SPTBN5: variants seen among roughly 807,000 people sequenced by gnomAD.
SPTBN5 encodes the protein spectrin beta, non-erythrocytic 5.
Under a neutral mutation model 477.6 loss-of-function variants are expected in SPTBN5, and 513 were observed. That is an observed-to-expected ratio of 1.07 (90% CI 1.00 to 1.16). The LOEUF is 1.16. Among genes scored for constraint, SPTBN5 ranks in the 50% most tolerant of loss-of-function variants. The pLI, the probability that SPTBN5 is intolerant of heterozygous loss-of-function variation, is 0.00. For missense variants in SPTBN5, 5,062 were observed against 4,731.8 expected, an observed-to-expected ratio of 1.07 and a Z score of -2.05; for synonymous variants, 2,169 against 2,011.7, an observed-to-expected ratio of 1.08 and a Z score of -2.09.
chr15:41,882,945 G>C (rs1200560220), intron 9 of SPTBN5, 51 bp downstream of exon 9: 2 of 1,485,666 alleles, frequency 1.3e-6, no homozygotes, highest in East Asian at 5.0e-5. Flanking sequence ...GAGATAATTT[G>C]GGTTACAGAA....
intron 39 of SPTBN5, among the ~76,000 whole-genome samples, 176 bp from the exon 40 acceptor site, chr15:41,864,200 G>A (rs999718439): frequency 2.6e-5 from 4 of 152,180 alleles, no homozygotes; most frequent in African/African-American, 9.6e-5. Flanking sequence ...AGGTCACCCC[G>A]TCCAGGTGAA....
In SPTBN5 at chr15:41,862,575, T is replaced by G. The variant is rs571630234; in HGVS notation, c.7349A>C (p.Glu2450Ala). The change falls in exon 43 of 68, where the codon GAG (glutamate) becomes GCG (alanine). Residue 2450 changes from glutamate (E) to alanine (A), a missense_variant. Coordinates refer to ENST00000320955, the MANE Select transcript of SPTBN5 (RefSeq NM_016642.4). ...GLRHRQQEVA[E>A]SWWQLRSRAQ... is the part of the protein sequence containing the mutation. ...CCTGCTCCGGAGCTGCCACCAGCTCTCAGCCACCTCCTGCTGCCTGTGCCT... is the reference window on the plus strand; with the variant it reads ...CCTGCTCCGGAGCTGCCACCAGCTCGCAGCCACCTCCTGCTGCCTGTGCCT... The G allele has an allele frequency of 1.2e-4, 188 of 1,560,024 alleles. No individual in the cohort carries two copies. The highest frequency in any genetic ancestry group is 1.4e-4 in the Non-Finnish European group (165 of 1,152,678).
chr15:41,887,726 G>A (rs929681226), intron 5 of SPTBN5, among the ~76,000 whole-genome samples: 2 of 152,204 alleles, frequency 1.3e-5, no homozygotes, highest in African/African-American at 4.8e-5. Flanking sequence ...AGTGGAGAAG[G>A]CTGGGGTCAA....
chr15:41,867,071 C>T lies in SPTBN5; in HGVS notation c.6368G>A (p.Arg2123Gln), dbSNP rs749107423. 67 of 1,548,364 alleles carry T rather than the reference C, an allele frequency of 4.3e-5. No homozygotes were observed. Among genetic ancestry groups the T allele is most frequent in the South Asian group, 4.0e-4 (34 of 84,102 alleles). ...KTLRRPRVRD[R>Q]LPILLQRRMR... ...CCGGCGCTGCAGCAGGATGGGAAGCCGGTCCCGCACCCGGGGGCGCCGGAG... is the reference window on the plus strand; with the variant it reads ...CCGGCGCTGCAGCAGGATGGGAAGCTGGTCCCGCACCCGGGGGCGCCGGAG... Residue 2123 changes from arginine to glutamine, a missense_variant, in exon 36 of 68, where the codon CGG becomes CAG. Coordinates refer to ENST00000320955, the MANE Select transcript of SPTBN5 (RefSeq NM_016642.4).
At chr15:41,865,601 G>A (rs73405216) in intron 39 of SPTBN5, among the ~76,000 whole-genome samples, 1,780 of 152,320 alleles carry the variant, frequency 0.012, 46 homozygotes, top group African/African-American at 0.04. Context: ...CACCACACAC[G>A]TGCTCTCTTA....
rs1280444549 is a variant in SPTBN5, at chr15:41,855,478, G to A, written c.9219-50C>T. 11 of 1,592,366 alleles carry A rather than the reference G, an allele frequency of 6.9e-6. No individual in the cohort carries two copies. In the Admixed American group the frequency reaches 1.5e-4, roughly 22 times the overall value. ...GACTGCAGCCCTGCCTTTCCAGGCT[G>A]GAGCAGTCTCCTGCCATCTCTGTAG... is the stretch of plus-strand genomic sequence containing the variant. On this transcript the variant is annotated intron_variant, in intron 54 of 67. Transcript: ENST00000320955.
In SPTBN5 at chr15:41,861,433, T is replaced by C. The variant is rs750512853; in HGVS notation, c.7801A>G (p.Ser2601Gly). Residue 2601 changes from serine (S) to glycine (G), a missense_variant, in exon 46 of 68, where the codon AGT (serine) becomes GGT (glycine). Transcript: ENST00000320955. ...TGGGCACCTACCCATAGACCCTCAC[T>C]GGCTAGGGAGTCTTCCTTGCTGCAA... ...WLCSKEDSLA[S>G]EGLWDPLAPM... The C allele has an allele frequency of 6.2e-7, 1 of 1,613,448 alleles. No homozygotes were observed. The highest frequency in any genetic ancestry group is 1.1e-5 in the South Asian group (1 of 91,086).
chr15:41,872,179 T>A lies in SPTBN5; in HGVS notation c.5165+123A>T. On this transcript the variant is annotated intron_variant, in intron 27 of 67. Transcript: ENST00000320955. Reference sequence around the variant, plus strand: ...AAGAGGTGAGCAACACACACCCTTTTCCCAATGCATCTCTACAGCCTGGGG... The same window carrying A: ...AAGAGGTGAGCAACACACACCCTTTACCCAATGCATCTCTACAGCCTGGGG... 3.1e-6 allele frequency: 4 copies of A among 1,281,468 alleles called. No individual in the cohort carries two copies. In the African/African-American group the frequency reaches 6.0e-5, roughly 19 times the overall value. 79.4% of individuals were successfully genotyped at this position (1,281,468 alleles called of 1,614,324 possible).
rs762637918 is a variant in SPTBN5 at position 41,878,597 on chromosome 15, G to A, written c.3215C>T (p.Pro1072Leu). ...VEEPGYAESQ[P>L]LQGQVETLQG... ...CAGTGTCTCCACCTGTCCTTGCAGAGGCTGGCTCTCTGCGTAGCCTGGCTC... is the reference window on the plus strand; with the variant it reads ...CAGTGTCTCCACCTGTCCTTGCAGAAGCTGGCTCTCTGCGTAGCCTGGCTC... The change falls in exon 17 of 68, where the codon CCT becomes CTT. Residue 1072 changes from proline to leucine, a missense_variant. Coordinates refer to ENST00000320955, the MANE Select transcript of SPTBN5 (RefSeq NM_016642.4). 2 of 1,612,472 alleles carry A rather than the reference G, an allele frequency of 1.2e-6. No individual in the cohort carries two copies. The highest frequency in any genetic ancestry group is 2.2e-5 in the East Asian group (1 of 44,866).
chr15:41,878,131 C>T (rs1041700661), intron 17 of SPTBN5, among the ~76,000 whole-genome samples: 1 of 152,166 alleles, frequency 6.6e-6, no homozygotes, highest in African/African-American at 2.4e-5. Context: ...TCCTGGGTCT[C>T]TCCTCGAAGT....
intron 60 of SPTBN5, 44 bp from the exon 61 acceptor site, chr15:41,852,779 G>GGGA (rs747774863): frequency 9.4e-6 from 15 of 1,603,672 alleles, no homozygotes; most frequent in Middle Eastern, 3.3e-4. Context: ...TGGGGGGGGG[G>GGGA]GCCCAGAGCC....
rs775668361 is a variant in SPTBN5 at position 41,870,312 on chromosome 15, C to G, written c.5604G>C (p.Leu1868=). ...TTCTCAGCTGCGCCTCCAGCCCACA[C>G]AGGTCCCGTGCCACATTGTTGGGGA... is the stretch of plus-strand genomic sequence containing the variant. ...TSLPNNVARD[L]CGLEAQLRSH... The change falls in exon 31 of 68, where the codon CTG becomes CTC. Residue 1868 remains leucine (L), a synonymous_variant. Coordinates refer to ENST00000320955, the MANE Select transcript of SPTBN5 (RefSeq NM_016642.4). The G allele has an allele frequency of 2.1e-5, 33 of 1,563,212 alleles. No homozygotes were observed. Among genetic ancestry groups the G allele is most frequent in the Admixed American group, 3.8e-5 (2 of 52,220 alleles).
chr15:41,848,593 T>G lies in SPTBN5; in HGVS notation c.*23A>C. ...GTGTCCTCGCTTGTGCCCCTGAAGT[T>G]TGGTGTTGCACTGGGGTTCACCTCA... On this transcript the variant is annotated 3_prime_UTR_variant, in exon 68 of 68. Coordinates refer to ENST00000320955, the MANE Select transcript of SPTBN5 (RefSeq NM_016642.4). The G allele has an allele frequency of 2.5e-6, 4 of 1,613,880 alleles. No homozygotes were observed. In the African/African-American group the frequency reaches 5.3e-5, roughly 22 times the overall value.
In SPTBN5 at chr15:41,876,137, T is replaced by C. The variant is rs530203497; in HGVS notation, c.4099A>G (p.Arg1367Gly). The C allele has an allele frequency of 1.4e-4, 219 of 1,602,944 alleles. 3 individuals carry two copies. The South Asian group carries it at 2.2e-3, about 16-fold the overall frequency. ...ACCTGCTGCAGGGCCTCCACGTGTC[T>C]GCGGGTGGCGAGTAGCTCGCTCTCA... ...AAESELLATRRHVEALQQVGR... is the reference protein window; with the variant it reads ...AAESELLATRGHVEALQQVGR... Residue 1367 changes from arginine to glycine, a missense_variant, in exon 21 of 68, where the codon AGA becomes GGA. Coordinates refer to ENST00000320955, the MANE Select transcript of SPTBN5 (RefSeq NM_016642.4).
At position 41,886,106 on chromosome 15, in the gene SPTBN5, C is replaced by T; in HGVS notation, c.1149G>A (p.Arg383=). 1.9e-6 allele frequency: 3 copies of T among 1,609,714 alleles called. No homozygotes were observed. The highest frequency in any genetic ancestry group is 2.5e-6 in the Non-Finnish European group (3 of 1,177,878). The change falls in exon 7 of 68, where the codon AGG becomes AGA. Residue 383 remains arginine (R), a synonymous_variant. Coordinates refer to ENST00000320955, the MANE Select transcript of SPTBN5 (RefSeq NM_016642.4). ...CCAGGCCCTCATGAGGCAGGAAGGG[C>T]CTGCGGTTCTGGGCTTGGAGTGCTG... The part of the protein sequence containing the change: ...LQTALQAQNR[R]PFLPHEGLGL...
At chr15:41,879,554 G>A (rs1274449870) in intron 15 of SPTBN5, 55 bp from the exon 16 acceptor site, 18 of 1,517,262 alleles carry the variant, frequency 1.2e-5, no homozygotes, top group South Asian at 6.2e-5. Flanking sequence ...CCATCCATCC[G>A]GGAGCCTTGG....
At position 41,853,701 on chromosome 15, in the gene SPTBN5, C is replaced by A. The variant is rs2065848317; in HGVS notation, c.9861G>T (p.Gly3287=). The change falls in exon 58 of 68, where the codon GGG becomes GGT. Residue 3287 remains glycine (G), a synonymous_variant. Transcript: ENST00000320955. The stretch of plus-strand genomic sequence containing the variant: ...AGGCCTCCTGCACCTTGGCCAGGCC[C>A]CCCGGAGCTGCAGGATGTAGCTGGC... ...RLGQLHPAAP[G]GLAKVQEAWA... is the part of the protein sequence containing the mutation. The A allele has an allele frequency of 1.4e-5, 22 of 1,598,138 alleles. No homozygotes were observed. The highest frequency in any genetic ancestry group is 1.7e-5 in the Non-Finnish European group (20 of 1,173,774).
rs768050321 is a variant in SPTBN5, at chr15:41,887,992, T to C, written c.595A>G (p.Ile199Val). Residue 199 changes from isoleucine to valine, a missense_variant, in exon 5 of 68, where the codon ATT (isoleucine) becomes GTT (valine). Transcript: ENST00000320955. ...RKTASYTNVN[I>V]TDFSRSWSDG... is the part of the protein sequence containing the mutation. ...CTCCAGCTTCGGGAGAAATCTGTAA[T>C]GTTCACGTTGGTGTAGCTGGCTGTC... The C allele has an allele frequency of 4.4e-6, 7 of 1,604,648 alleles. No homozygotes were observed. Among genetic ancestry groups the C allele is most frequent in the East Asian group, 2.2e-5 (1 of 44,600 alleles).
intron 26 of SPTBN5, 40 bp downstream of exon 26, chr15:41,873,452 C>A: frequency 2.7e-6 from 4 of 1,454,686 alleles, no homozygotes; most frequent in South Asian, 2.4e-5. Flanking sequence ...GGTCCATCAT[C>A]ACCCAGACCA....
Sources: gnomAD v4.1 joint callset for allele counts (sites outside exome capture counted in the v4.1 genomes callset) on GRCh38, gnomAD v4.1.1 for gene constraint, MANE v1.5 for transcripts, NCBI Gene and HGNC (gene_info 2026-07-23, HGNC 2026-07-21) for gene names.